Variants in CYP3A43 observed in about 807,000 individuals in gnomAD.
CYP3A43 encodes cytochrome P450 family 3 subfamily A member 43.
CYP3A43 carries 45 observed loss-of-function variants against 58.0 expected under a neutral mutation model. That is an observed-to-expected ratio of 0.78 (90% CI 0.61 to 0.99). The LOEUF is 0.99. Ranked by LOEUF, CYP3A43 falls within the 50% of genes least tolerant of loss-of-function variation. The pLI is 0.00. For synonymous variants in CYP3A43, 191 were observed against 201.4 expected (o/e 0.95, Z 0.44); for missense variants, 593 against 591.9 (o/e 1.00, Z -0.02).
chr7:99,834,086 A>G (rs1816962912), intron 1 of CYP3A43, among the ~76,000 whole-genome samples: 1 of 152,190 alleles, frequency 6.6e-6, no homozygotes, highest in Non-Finnish European at 1.5e-5. Flanking sequence ...TAAATTTTTC[A>G]CATACTCTTC....
chr7:99,847,768 T>C, intron 5 of CYP3A43, 167 bp downstream of exon 5: 1 of 1,069,364 alleles, frequency 9.4e-7, no homozygotes, highest in African/African-American at 1.6e-5. Flanking sequence ...TCCCAGCACT[T>C]TGGGAGGCCG....
At chr7:99,856,083 C>A (rs568187986) in intron 8 of CYP3A43, among the ~76,000 whole-genome samples, 16 of 152,254 alleles carry the variant, frequency 1.1e-4, no homozygotes, top group African/African-American at 3.9e-4. Flanking sequence ...ATGGGTATTA[C>A]AATTTCCCTA....
At chr7:99,838,759 C>A in intron 2 of CYP3A43, 3 of 932,386 alleles carry the variant, frequency 3.2e-6, no homozygotes, top group Non-Finnish European at 4.4e-6. Context: ...GCAGGAGGAT[C>A]ACCTAAGGTC....
At chr7:99,843,465 T>C (rs1817421096) in intron 3 of CYP3A43, among the ~76,000 whole-genome samples, 1 of 151,966 alleles carries the variant, frequency 6.6e-6, no homozygotes, top group South Asian at 2.1e-4. Context: ...TAACTGTTTA[T>C]TTTATTTTTT....
intron 5 of CYP3A43, 159 bp from the exon 6 acceptor site, chr7:99,848,006 TG>T: frequency 1.4e-6 from 1 of 715,262 alleles, no homozygotes; most frequent in Non-Finnish European, 2.3e-6. Flanking sequence ...AGCGAAACTC[TG>T]TCTCAAAAAA....
chr7:99,828,285 C>T lies in CYP3A43; in HGVS notation c.71+99C>T, dbSNP rs1173668638. 32 of 974,046 alleles carry T rather than the reference C, an allele frequency of 3.3e-5. No individual in the cohort carries two copies. In the Middle Eastern group the frequency reaches 7.1e-4, roughly 22 times the overall value. 60.3% of individuals were successfully genotyped at this position (974,046 alleles called of 1,614,324 possible). A position where few individuals can be genotyped will look rare whatever the true frequency, so the allele number is the denominator to read the frequency against. ...TTTGTTTTGAAGATAAAAGAGATAACGGAGGGGAAGTTACCTAAGTGCCAA... is the reference window on the plus strand; with the variant it reads ...TTTGTTTTGAAGATAAAAGAGATAATGGAGGGGAAGTTACCTAAGTGCCAA... On this transcript the variant is annotated intron_variant, in intron 1 of 12. Transcript: ENST00000354829.
intron 10 of CYP3A43, among the ~76,000 whole-genome samples, chr7:99,860,886 T>G (rs1187360751): frequency 1.3e-5 from 2 of 152,048 alleles, no homozygotes; most frequent in Non-Finnish European, 2.9e-5. Flanking sequence ...CTCCACATTT[T>G]TTTTTTGCAT....
intron 7 of CYP3A43, among the ~76,000 whole-genome samples, chr7:99,855,076 C>T (rs565506356): frequency 2.0e-5 from 3 of 151,930 alleles, no homozygotes; most frequent in East Asian, 1.9e-4. Context: ...GATGGGGTTC[C>T]GCCATGTTGG....
intron 12 of CYP3A43, among the ~76,000 whole-genome samples, chr7:99,865,094 C>T (rs1361347611): frequency 6.7e-6 from 1 of 148,426 alleles, no homozygotes; most frequent in African/African-American, 2.6e-5. Flanking sequence ...TAAGTGTGTA[C>T]AGACAGGGGC....
At position 99,861,733 on chromosome 7, in the gene CYP3A43, A is replaced by G. The variant is rs1818244730; in HGVS notation, c.1147A>G (p.Ile383Val). The change falls in exon 11 of 13, where the codon ATC becomes GTC. Residue 383 changes from isoleucine to valine, a missense_variant. Transcript: ENST00000354829. ...VTRVCKKDIE[I>V]NGVFIPKGLA... is the part of the protein sequence containing the mutation. Reference sequence around the variant, plus strand: ...GAGAGTCTGCAAGAAAGATATTGAAATCAATGGAGTGTTCATTCCCAAAGG... The same window carrying G: ...GAGAGTCTGCAAGAAAGATATTGAAGTCAATGGAGTGTTCATTCCCAAAGG... 6.2e-7 allele frequency: 1 copy of G among 1,614,194 alleles called. No individual in the cohort carries two copies. The highest frequency in any genetic ancestry group is 8.5e-7 in the Non-Finnish European group (1 of 1,180,022).
intron 11 of CYP3A43, among the ~76,000 whole-genome samples, chr7:99,862,065 T>TAC (rs10654296): frequency 0.2 from 30,243 of 152,068 alleles, 6,853 homozygotes; most frequent in African/African-American, 0.56. Context: ...TTTCTATGCA[T>TAC]AGACATTTTT....
rs180708403 is a variant in CYP3A43, at chr7:99,834,554, C to T, written c.72-1899C>T. Among the ~76,000 whole-genome samples the T allele has an allele frequency of 1.3e-4, 20 of 152,272 alleles. No homozygotes were observed. The East Asian group carries it at 3.9e-3, about 29-fold the overall frequency. On this transcript the variant is annotated intron_variant, in intron 1 of 12. Coordinates refer to ENST00000354829, the MANE Select transcript of CYP3A43 (RefSeq NM_057095.3). ...GCTGATATGCCTGTGCTCCACAGGT[C>T]CAATATAGGCCAGAGGGTGCTTTCT... is the stretch of plus-strand genomic sequence containing the variant.
At chr7:99,832,290 T>C (rs1240998514) in intron 1 of CYP3A43, among the ~76,000 whole-genome samples, 3 of 151,560 alleles carry the variant, frequency 2.0e-5, no homozygotes, top group Non-Finnish European at 4.4e-5. Context: ...TGGCTCTGTG[T>C]CCCCAGCCAA....
chr7:99,843,291 AG>A (rs1563063248), intron 3 of CYP3A43, among the ~76,000 whole-genome samples: 1 of 151,988 alleles, frequency 6.6e-6, no homozygotes. Flanking sequence ...CTTTAGAAAA[AG>A]CACAGGTCAC....
At chr7:99,861,428 A>T (rs976245386) in intron 10 of CYP3A43, among the ~76,000 whole-genome samples, 185 bp from the exon 11 acceptor site, 1 of 152,204 alleles carries the variant, frequency 6.6e-6, no homozygotes, top group Non-Finnish European at 1.5e-5. Flanking sequence ...TCCTCCACAC[A>T]TCTCAATGGG....
intron 3 of CYP3A43, 76 bp downstream of exon 3, chr7:99,839,248 A>C: frequency 6.4e-7 from 1 of 1,561,200 alleles, no homozygotes; most frequent in Non-Finnish European, 8.8e-7. Flanking sequence ...GAACAATCTC[A>C]GCCCAGATTT....
intron 7 of CYP3A43, among the ~76,000 whole-genome samples, chr7:99,854,484 C>A (rs971962349): frequency 3.9e-5 from 6 of 152,174 alleles, no homozygotes; most frequent in African/African-American, 1.4e-4. Flanking sequence ...GGATTACAGG[C>A]GTGAGCCACC....
chr7:99,855,530 G>A (rs1237173102), intron 7 of CYP3A43, 61 bp from the exon 8 acceptor site: 2 of 1,540,434 alleles, frequency 1.3e-6, no homozygotes, highest in African/African-American at 2.8e-5. Context: ...AATTGTTGTA[G>A]GTAAATTTCA....
At chr7:99,855,795 A>C in intron 8 of CYP3A43, 77 bp downstream of exon 8, 1 of 1,466,570 alleles carries the variant, frequency 6.8e-7, no homozygotes, top group Non-Finnish European at 9.2e-7. Context: ...CGATTTGTGC[A>C]CTTATCTGTG....
Sources: gnomAD v4.1 joint callset for allele counts (sites outside exome capture counted in the v4.1 genomes callset) on GRCh38, gnomAD v4.1.1 for gene constraint, MANE v1.5 for transcripts, NCBI Gene and HGNC (gene_info 2026-07-23, HGNC 2026-07-21) for gene names.